The following CDC42BPB variants were observed in gnomAD, a reference collection of about 807,000 sequenced individuals.
CDC42BPB encodes CDC42 binding protein kinase beta, also known as serine/threonine-protein kinase MRCK beta.
Under a neutral mutation model 214.9 loss-of-function variants are expected in CDC42BPB, and 37 were observed. That is an observed-to-expected ratio of 0.17 (90% CI 0.13 to 0.23). The LOEUF is 0.23. CDC42BPB is among the 10% of genes least tolerant of loss of function. The pLI is 1.00. For synonymous variants in CDC42BPB, 931 were observed against 884.0 expected, an observed-to-expected ratio of 1.05 and a Z score of -0.94; for missense variants, 1,694 against 2,227.0, an observed-to-expected ratio of 0.76 and a Z score of 4.82.
chr14:102,961,838 G>A (rs1046722559), intron 20 of CDC42BPB, among the ~76,000 whole-genome samples: 2 of 152,014 alleles, frequency 1.3e-5, no homozygotes, highest in Admixed American at 6.6e-5. Context: ...CCACCGCACC[G>A]GCTGCAAAAC....
chr14:103,029,943 A>C (rs1887274189), intron 1 of CDC42BPB, among the ~76,000 whole-genome samples: 1 of 151,970 alleles, frequency 6.6e-6, no homozygotes, highest in Non-Finnish European at 1.5e-5. Flanking sequence ...AGCAATATTC[A>C]AAACAGCAAT....
At chr14:102,941,132 G>T in intron 30 of CDC42BPB, 2 of 985,454 alleles carry the variant, frequency 2.0e-6, no homozygotes, top group Non-Finnish European at 2.4e-6. Context: ...CAGTCCCTCT[G>T]TGTGGGTGGC....
chr14:103,010,571 G>A (rs948813030), intron 2 of CDC42BPB, among the ~76,000 whole-genome samples: 1 of 152,240 alleles, frequency 6.6e-6, no homozygotes. Flanking sequence ...TCGCTTTGTA[G>A]TGGTGTCCAG....
intron 18 of CDC42BPB, among the ~76,000 whole-genome samples, chr14:102,965,628 T>A (rs1444029843): frequency 6.6e-6 from 1 of 152,194 alleles, no homozygotes; most frequent in African/African-American, 2.4e-5. Flanking sequence ...TTGAGAATGC[T>A]TCATTTTCCA....
At chr14:102,991,270 A>G (rs1894476605) in intron 5 of CDC42BPB, among the ~76,000 whole-genome samples, 1 of 152,252 alleles carries the variant, frequency 6.6e-6, no homozygotes, top group African/African-American at 2.4e-5. Context: ...AGAGGAAGGA[A>G]CACATCATCT....
chr14:102,974,281 T>TAC (rs71119749), intron 11 of CDC42BPB, 132 bp from the exon 12 acceptor site: 162,856 of 1,296,898 alleles, frequency 0.13, 1,160 homozygotes, highest in African/African-American at 0.17. Flanking sequence ...TTTTTTTACT[T>TAC]ACACACACAC....
intron 2 of CDC42BPB, among the ~76,000 whole-genome samples, chr14:103,009,179 A>G (rs1036686798): frequency 1.3e-5 from 2 of 152,204 alleles, no homozygotes; most frequent in Admixed American, 1.3e-4. Flanking sequence ...GCCAATGGCA[A>G]GCAGCCAGCA....
intron 14 of CDC42BPB, among the ~76,000 whole-genome samples, 169 bp downstream of exon 14, chr14:102,969,982 C>T (rs536940616): frequency 6.6e-4 from 101 of 152,312 alleles, no homozygotes; most frequent in African/African-American, 2.4e-3. Flanking sequence ...AAAGCAGTCA[C>T]GAAGGCAGGG....
chr14:103,041,477 C>T (rs1479435562), intron 1 of CDC42BPB: 32 of 1,278,548 alleles, frequency 2.5e-5, no homozygotes, highest in Non-Finnish European at 3.5e-5. Context: ...CCATGGCGCC[C>T]AGCCAGAATG....
chr14:103,050,043 C>T (rs1379315457), intron 1 of CDC42BPB, among the ~76,000 whole-genome samples: 2 of 152,194 alleles, frequency 1.3e-5, no homozygotes, highest in African/African-American at 2.4e-5. Flanking sequence ...AGATTAGATG[C>T]GTCTTTTGGG....
At chr14:102,956,018 T>C (rs1034612652) in intron 21 of CDC42BPB, among the ~76,000 whole-genome samples, 1 of 152,188 alleles carries the variant, frequency 6.6e-6, no homozygotes, top group Non-Finnish European at 1.5e-5. Flanking sequence ...AGCTCAAAAA[T>C]GTAAGCAAAT....
chr14:102,988,268 C>T (rs1029483934), intron 5 of CDC42BPB, among the ~76,000 whole-genome samples: 1 of 150,438 alleles, frequency 6.6e-6, no homozygotes, highest in Non-Finnish European at 1.5e-5. Flanking sequence ...GAAGGCCCAA[C>T]AGATGCATAA....
chr14:102,975,644 C>G, intron 11 of CDC42BPB, 40 bp downstream of exon 11: 2 of 1,603,618 alleles, frequency 1.2e-6, no homozygotes, highest in East Asian at 4.5e-5. Flanking sequence ...CAGTAATGAC[C>G]AAAAATAGAG....
At chr14:102,977,668 C>A (rs1893816885) in intron 9 of CDC42BPB, among the ~76,000 whole-genome samples, 1 of 152,176 alleles carries the variant, frequency 6.6e-6, no homozygotes, top group Non-Finnish European at 1.5e-5. Context: ...AACTGCTCTG[C>A]TTGCTGTGGC....
intron 1 of CDC42BPB, among the ~76,000 whole-genome samples, chr14:103,030,335 G>A (rs930236557): frequency 8.5e-5 from 13 of 152,220 alleles, no homozygotes; most frequent in African/African-American, 2.9e-4. Context: ...AAAGTTTGAG[G>A]AGCATAGTTT....
At chr14:102,979,011 A>C (rs1466650529) in intron 8 of CDC42BPB, among the ~76,000 whole-genome samples, 1 of 152,210 alleles carries the variant, frequency 6.6e-6, no homozygotes, top group Non-Finnish European at 1.5e-5. Flanking sequence ...GTCTCAAAAA[A>C]TAAAAAATAT....
rs865971601 is a variant in CDC42BPB, at chr14:102,971,830, C to T, written c.1884+89G>A. ...CACAGAAAATTTCTGACCCCTTTTA[C>T]AGTAATGCAGCCCAAGATTTCAAAG... On this transcript the variant is annotated intron_variant, in intron 13 of 36. Coordinates refer to ENST00000361246, the MANE Select transcript of CDC42BPB (RefSeq NM_006035.4). 5.5e-5 allele frequency: 77 copies of T among 1,388,950 alleles called. 1 individual carries two copies. In the Middle Eastern group the frequency reaches 3.1e-3, roughly 57 times the overall value. The allele number at this position is 1,388,950 out of a possible 1,614,324, so 86.0% of individuals were successfully genotyped here. A position where few individuals can be genotyped will look rare whatever the true frequency, so the allele number is the denominator to read the frequency against.
intron 5 of CDC42BPB, among the ~76,000 whole-genome samples, chr14:102,997,268 C>G (rs1336090055): frequency 6.6e-6 from 1 of 152,120 alleles, no homozygotes; most frequent in East Asian, 1.9e-4. Context: ...CTGCGAAGTC[C>G]CAAGGGGAAA....
At chr14:103,042,999 AAAC>A (rs142616100) in intron 1 of CDC42BPB, among the ~76,000 whole-genome samples, 11,789 of 152,276 alleles carry the variant, frequency 0.077, 647 homozygotes, top group Middle Eastern at 0.13. Flanking sequence ...TATTAAAAAT[AAAC>A]AAAAGGTACT....
Sources: gnomAD v4.1 joint callset for allele counts (sites outside exome capture counted in the v4.1 genomes callset) on GRCh38, gnomAD v4.1.1 for gene constraint, MANE v1.5 for transcripts, NCBI Gene and HGNC (gene_info 2026-07-23, HGNC 2026-07-21) for gene names.